Variants in MAP3K4 observed in about 807,000 individuals in gnomAD.
The protein encoded by MAP3K4 is mitogen-activated protein kinase kinase kinase 4, also known as MAP three kinase 1.
Under a neutral mutation model 185.6 loss-of-function variants are expected in MAP3K4, and 67 were observed. The observed-to-expected ratio is 0.36, with a 90% CI of 0.30 to 0.44. The LOEUF is 0.44. MAP3K4 is among the 20% of genes least tolerant of loss of function. The pLI, the probability that MAP3K4 is intolerant of heterozygous loss-of-function variation, is 1.00. For synonymous variants in MAP3K4, 702 were observed against 710.4 expected (o/e 0.99, Z 0.19); for missense variants, 1,551 against 1,995.1 (o/e 0.78, Z 4.24).
chr6:161,063,746 C>T lies in MAP3K4; in HGVS notation c.1708-6862C>T, dbSNP rs977598607. ...TTCAGACCTTACTGCCAACCCCTTG[C>T]CTTCACTCATGAATAGTGCCAAAAT... On this transcript the variant is annotated intron_variant, in intron 3 of 26. Transcript: ENST00000392142. This position sits in a 1 kb window ranked among gnomAD's most constrained non-coding sequence, Gnocchi z 5.4. Among the ~76,000 whole-genome samples the T allele has an allele frequency of 6.6e-6, 1 of 152,162 alleles. No homozygotes were observed. Among genetic ancestry groups the T allele is most frequent in the Admixed American group, 6.5e-5 (1 of 15,272 alleles).
intron 1 of MAP3K4, among the ~76,000 whole-genome samples, chr6:161,025,499 G>A (rs898130789): frequency 2.0e-5 from 3 of 152,162 alleles, no homozygotes; most frequent in Non-Finnish European, 2.9e-5. Flanking sequence ...TGGAACTAAT[G>A]TTTTGAATGT....
At chr6:161,014,095 G>A (rs1387916687) in intron 1 of MAP3K4, among the ~76,000 whole-genome samples, 1 of 152,214 alleles carries the variant, frequency 6.6e-6, no homozygotes. Flanking sequence ...TTGACTGGTG[G>A]TGGAATGAAT....
chr6:161,001,956 T>C (rs1227112837), intron 1 of MAP3K4, among the ~76,000 whole-genome samples: 1 of 152,024 alleles, frequency 6.6e-6, no homozygotes, highest in Non-Finnish European at 1.5e-5. Flanking sequence ...AAATATGCAT[T>C]GAGGCTGGAT....
chr6:161,074,796 C>T lies in MAP3K4; in HGVS notation c.2097+1184C>T, dbSNP rs934465926. The stretch of plus-strand genomic sequence containing the variant: ...ACTGTGTCCTGCCTAAGGATGGCTG[C>T]AGCACCTACAGATACCACTCTCACT... On this transcript the variant is annotated intron_variant, in intron 5 of 26. Coordinates refer to ENST00000392142, the MANE Select transcript of MAP3K4 (RefSeq NM_005922.4). This position sits in a 1 kb window ranked among gnomAD's most constrained non-coding sequence, Gnocchi z 5.0. Among the ~76,000 whole-genome samples the T allele has an allele frequency of 6.6e-6, 1 of 152,206 alleles. No homozygotes were observed. The highest frequency in any genetic ancestry group is 1.5e-5 in the Non-Finnish European group (1 of 68,032).
Position 161,031,377 on chromosome 6 carries a change from A to G in MAP3K4, c.153-2882A>G, listed in dbSNP as rs140965360. Among the ~76,000 whole-genome samples, 546 of 152,340 alleles carry G rather than the reference A, an allele frequency of 3.6e-3. 7 individuals carry two copies. Among genetic ancestry groups the G allele is most frequent in the Non-Finnish European group, 2.3e-3 (157 of 68,034 alleles). Reference sequence around the variant, plus strand: ...ACACAAATATTCTTCTGGGTCCCCAATGTAAAGTCTTCATAAAAGTTAGCC... The same window carrying G: ...ACACAAATATTCTTCTGGGTCCCCAGTGTAAAGTCTTCATAAAAGTTAGCC... On this transcript the variant is annotated intron_variant, in intron 1 of 26. Coordinates refer to ENST00000392142, the MANE Select transcript of MAP3K4 (RefSeq NM_005922.4).
At chr6:161,033,415 T>C (rs1783018217) in intron 1 of MAP3K4, among the ~76,000 whole-genome samples, 1 of 152,216 alleles carries the variant, frequency 6.6e-6, no homozygotes, top group African/African-American at 2.4e-5. Flanking sequence ...AATAGTGATA[T>C]TATTTGAGAA....
chr6:161,033,486 G>C (rs552064707), intron 1 of MAP3K4, among the ~76,000 whole-genome samples: 1 of 152,138 alleles, frequency 6.6e-6, no homozygotes, highest in Non-Finnish European at 1.5e-5. Flanking sequence ...ATGAGAAATT[G>C]CATTTTGAAG....
At position 160,996,404 on chromosome 6, in the gene MAP3K4, C is replaced by G. The variant is rs1217763986; in HGVS notation, c.152+4321C>G. Among the ~76,000 whole-genome samples, 2 of 152,182 alleles carry G rather than the reference C, an allele frequency of 1.3e-5. No homozygotes were observed. Among genetic ancestry groups the G allele is most frequent in the African/African-American group, 2.4e-5 (1 of 41,440 alleles). On this transcript the variant is annotated intron_variant, in intron 1 of 26. Coordinates refer to ENST00000392142, the MANE Select transcript of MAP3K4 (RefSeq NM_005922.4). This position sits in a 1 kb window ranked among gnomAD's most constrained non-coding sequence, Gnocchi z 4.5. The stretch of plus-strand genomic sequence containing the variant: ...TATGCTCTCATGGTGTCCTGCAAAT[C>G]TTGTTCTGAGCTCTGCTGAAATACG...
At chr6:161,002,641 G>C (rs777407702) in intron 1 of MAP3K4, among the ~76,000 whole-genome samples, 12 of 140,432 alleles carry the variant, frequency 8.5e-5, no homozygotes, top group Non-Finnish European at 1.5e-4. Context: ...ACCCAGGCTG[G>C]AGTGCAGTGG....
In MAP3K4 at chr6:161,009,801, T is replaced by C. The variant is rs533712300; in HGVS notation, c.152+17718T>C. The stretch of plus-strand genomic sequence containing the variant: ...TTTAAGTCTTTGCTAGTTTGATAAA[T>C]TAAAAAGCTCCTGAGAACACATGGA... On this transcript the variant is annotated intron_variant, in intron 1 of 26. Transcript: ENST00000392142. Among the ~76,000 whole-genome samples, 11 of 152,222 alleles carry C rather than the reference T, an allele frequency of 7.2e-5. No homozygotes were observed. The East Asian group carries it at 2.1e-3, about 29-fold the overall frequency.
intron 1 of MAP3K4, among the ~76,000 whole-genome samples, chr6:161,029,676 A>G (rs1443573367): frequency 6.6e-6 from 1 of 152,220 alleles, no homozygotes; most frequent in Non-Finnish European, 1.5e-5. Context: ...ATCCCAAATC[A>G]TTGGTATACA....
chr6:161,015,634 AAGG>A (rs1471446832), intron 1 of MAP3K4, among the ~76,000 whole-genome samples: 9 of 152,208 alleles, frequency 5.9e-5, no homozygotes, highest in African/African-American at 1.9e-4. Context: ...CTCAAGGTAG[AAGG>A]AGAAGGGGAG....
At position 161,086,660 on chromosome 6, in the gene MAP3K4, A is replaced by T. The variant is rs774638490; in HGVS notation, c.2549A>T (p.Tyr850Phe). 6.2e-7 allele frequency: 1 copy of T among 1,611,044 alleles called. No homozygotes were observed. Among genetic ancestry groups the T allele is most frequent in the Non-Finnish European group, 8.5e-7 (1 of 1,179,054 alleles). ...DLLDVLKSKQYVKVQIPGLEN... is the reference protein window; with the variant it reads ...DLLDVLKSKQFVKVQIPGLEN... Reference sequence around the variant, plus strand: ...CTGGATGTTCTGAAATCAAAACAGTATGTCAAGGTAAGTACTTCAAATGTT... The same window carrying T: ...CTGGATGTTCTGAAATCAAAACAGTTTGTCAAGGTAAGTACTTCAAATGTT... Residue 850 changes from tyrosine (Y) to phenylalanine (F), a missense_variant, in exon 9 of 27, where the codon TAT (tyrosine) becomes TTT (phenylalanine). By Grantham distance (22) the Tyr-to-Phe change is conservative. Transcript: ENST00000392142. This position sits in a 1 kb window ranked among gnomAD's most constrained non-coding sequence, Gnocchi z 4.8.
rs1181179961 is a variant in MAP3K4, at chr6:161,034,728, T to C, written c.343+279T>C. On this transcript the variant is annotated intron_variant, in intron 2 of 26. Coordinates refer to ENST00000392142, the MANE Select transcript of MAP3K4 (RefSeq NM_005922.4). The surrounding 1 kb of genome is among the most constrained non-coding windows in gnomAD (Gnocchi z 4.4). ...TGTTTCCCAGTGTACTAATACAAGATGGCAACTGGTTACATGGGATAGATG... is the reference window on the plus strand; with the variant it reads ...TGTTTCCCAGTGTACTAATACAAGACGGCAACTGGTTACATGGGATAGATG... Among the ~76,000 whole-genome samples, 2 of 152,172 alleles carry C rather than the reference T, an allele frequency of 1.3e-5. No individual in the cohort carries two copies. The highest frequency in any genetic ancestry group is 2.4e-5 in the African/African-American group (1 of 41,438).
At chr6:161,045,786 A>G (rs1255353808) in intron 2 of MAP3K4, among the ~76,000 whole-genome samples, 2 of 152,204 alleles carry the variant, frequency 1.3e-5, no homozygotes, top group Admixed American at 1.3e-4. Context: ...CATTAGTTCT[A>G]TAAAGTATTT....
intron 3 of MAP3K4, 35 bp downstream of exon 3, chr6:161,050,014 C>T: frequency 6.6e-7 from 1 of 1,518,190 alleles, no homozygotes; most frequent in East Asian, 2.3e-5. Flanking sequence ...CAATGATATC[C>T]TTAGTTCCAT....
rs187623184 is a variant in MAP3K4, at chr6:161,067,216, A to C, written c.1708-3392A>C. 1 of 403,572 alleles carries C rather than the reference A, an allele frequency of 2.5e-6. No homozygotes were observed. Among genetic ancestry groups the C allele is most frequent in the East Asian group, 9.0e-5 (1 of 11,140 alleles). 25.0% of individuals were successfully genotyped at this position (403,572 alleles called of 1,614,324 possible). On this transcript the variant is annotated intron_variant, in intron 3 of 26. Coordinates refer to ENST00000392142, the MANE Select transcript of MAP3K4 (RefSeq NM_005922.4). This position sits in a 1 kb window ranked among gnomAD's most constrained non-coding sequence, Gnocchi z 6.3. ...CATTTTAGGGAGACATGAGACATCA[A>C]TCAATATATGTAAGATGTACATTGG... is the stretch of plus-strand genomic sequence containing the variant.
rs1319316192 is a variant in MAP3K4 at position 161,096,906 on chromosome 6, G to C, written c.3428-174G>C. ...ATAGGGCTTTACTGACTTTTAAAAAGTGACATTTTCCATAATATTTGTATA... is the reference window on the plus strand; with the variant it reads ...ATAGGGCTTTACTGACTTTTAAAAACTGACATTTTCCATAATATTTGTATA... On this transcript the variant is annotated intron_variant, in intron 15 of 26. Transcript: ENST00000392142. This position sits in a 1 kb window ranked among gnomAD's most constrained non-coding sequence, Gnocchi z 4.9. 1 of 520,778 alleles carries C rather than the reference G, an allele frequency of 1.9e-6. No individual in the cohort carries two copies. Among genetic ancestry groups the C allele is most frequent in the Non-Finnish European group, 3.4e-6 (1 of 291,092 alleles). 32.3% of individuals were successfully genotyped at this position (520,778 alleles called of 1,614,324 possible). A position where few individuals can be genotyped will look rare whatever the true frequency, so the allele number is the denominator to read the frequency against.
intron 3 of MAP3K4, among the ~76,000 whole-genome samples, chr6:161,055,770 A>G (rs1251209473): frequency 2.6e-5 from 4 of 152,112 alleles, no homozygotes; most frequent in Non-Finnish European, 5.9e-5. Context: ...GTCACTGTTG[A>G]TGTTAACCTT....
Sources: allele counts gnomAD v4.1 joint callset (sites outside exome capture counted in the v4.1 genomes callset), GRCh38; gene constraint gnomAD v4.1.1; non-coding constraint Gnocchi (gnomAD v3.1); transcripts MANE v1.5; gene names NCBI Gene and HGNC (gene_info 2026-07-23, HGNC 2026-07-21).